C3orf85: variants seen among roughly 807,000 people sequenced by gnomAD.
C3orf85 encodes uncharacterized protein C3orf85.
Under a neutral mutation model 1.7 loss-of-function variants are expected in C3orf85, and 1 was observed. That is an observed-to-expected ratio of 0.60 (90% CI 0.21 to 2.86). C3orf85 has a LOEUF of 2.86. C3orf85 is among the 30% of genes most tolerant of loss of function. The pLI is 0.22. For missense variants in C3orf85, 29 were observed against 21.3 expected (o/e 1.36, Z -0.72); for synonymous variants, 17 against 8.0 (o/e 2.13, Z -1.90).
intron 2 of C3orf85, among the ~76,000 whole-genome samples, chr3:109,143,911 T>C (rs1559969533): frequency 6.6e-6 from 1 of 152,220 alleles, no homozygotes; most frequent in East Asian, 1.9e-4. Flanking sequence ...GCCTTGTTTC[T>C]ACTTTACAGA....
intron 2 of C3orf85, among the ~76,000 whole-genome samples, chr3:109,138,440 G>C (rs1038948380): frequency 1.3e-5 from 2 of 152,168 alleles, no homozygotes; most frequent in African/African-American, 4.8e-5. Flanking sequence ...GAAGAAAGTA[G>C]TAGCTTGAAT....
intron 2 of C3orf85, among the ~76,000 whole-genome samples, chr3:109,137,250 G>T (rs1706688015): frequency 6.6e-6 from 1 of 151,990 alleles, no homozygotes; most frequent in African/African-American, 2.4e-5. Context: ...ATTATATGAA[G>T]ACCTCAAAGT....
At position 109,148,353 on chromosome 3, in the gene C3orf85, T is replaced by G. The variant is rs531651532; in HGVS notation, c.150T>G (p.Ser50Arg). Reference protein sequence around the residue: ...NLQDYWDPDHSSDVWVNTLAK... With the variant: ...NLQDYWDPDHRSDVWVNTLAK... ...AGGATTACTGGGACCCAGATCACAGTTCAGATGTGTGGGTAAACACACTGG... is the reference window on the plus strand; with the variant it reads ...AGGATTACTGGGACCCAGATCACAGGTCAGATGTGTGGGTAAACACACTGG... The change falls in exon 3 of 4, where the codon AGT becomes AGG. Residue 50 changes from serine to arginine, a missense_variant. By Grantham distance (110) the Ser-to-Arg change is moderately radical (BLOSUM62 -1). Transcript: ENST00000622536. 1.4e-6 allele frequency: 1 copy of G among 702,718 alleles called. No individual in the cohort carries two copies. The highest frequency in any genetic ancestry group is 2.7e-5 in the East Asian group (1 of 37,292). 43.5% of individuals were successfully genotyped at this position (702,718 alleles called of 1,614,324 possible).
chr3:109,137,772 A>G (rs1335539081), intron 2 of C3orf85, among the ~76,000 whole-genome samples: 1 of 151,600 alleles, frequency 6.6e-6, no homozygotes, highest in African/African-American at 2.4e-5. Context: ...TGTGATTGAA[A>G]CATTTTTAGC....
chr3:109,149,707 C>T, intron 3 of C3orf85, 98 bp from the exon 4 acceptor site: 1 of 394,966 alleles, frequency 2.5e-6, no homozygotes, highest in Non-Finnish European at 4.5e-6. Flanking sequence ...TTATATTTTT[C>T]TCATCTTTTA....
intron 2 of C3orf85, among the ~76,000 whole-genome samples, chr3:109,145,546 A>G (rs1218851355): frequency 6.6e-6 from 1 of 152,194 alleles, no homozygotes; most frequent in East Asian, 1.9e-4. Context: ...GGAGATGGAT[A>G]GCGGTGATGG....
At chr3:109,139,908 G>A (rs1309865650) in intron 2 of C3orf85, among the ~76,000 whole-genome samples, 1 of 152,072 alleles carries the variant, frequency 6.6e-6, no homozygotes, top group Non-Finnish European at 1.5e-5. Flanking sequence ...TTTTTGATTT[G>A]CTTTGTTTTT....
chr3:109,138,551 A>AT (rs201988537), intron 2 of C3orf85, among the ~76,000 whole-genome samples: 4 of 151,350 alleles, frequency 2.6e-5, no homozygotes, highest in African/African-American at 4.9e-5. Flanking sequence ...GAAAACCACT[A>AT]TTTTTTTTTA....
At chr3:109,138,220 A>G (rs1515375) in intron 2 of C3orf85, among the ~76,000 whole-genome samples, 30,874 of 152,220 alleles carry the variant, frequency 0.2, 3,494 homozygotes, top group Middle Eastern at 0.33. Flanking sequence ...AAAAAAAATA[A>G]TAAAGTTATC....
intron 2 of C3orf85, among the ~76,000 whole-genome samples, chr3:109,147,373 T>A (rs906619693): frequency 1.3e-5 from 2 of 152,200 alleles, no homozygotes; most frequent in Non-Finnish European, 2.9e-5. Context: ...AACAGAGGAC[T>A]GCTAATAATG....
chr3:109,137,330 C>A (rs1706688939), intron 2 of C3orf85, among the ~76,000 whole-genome samples: 1 of 151,898 alleles, frequency 6.6e-6, no homozygotes, highest in African/African-American at 2.4e-5. Flanking sequence ...AAAGGCAGAT[C>A]AAGGAAGGCA....
At chr3:109,145,586 C>T (rs1706789552) in intron 2 of C3orf85, among the ~76,000 whole-genome samples, 1 of 152,124 alleles carries the variant, frequency 6.6e-6, no homozygotes, top group Non-Finnish European at 1.5e-5. Context: ...TATTTAATAC[C>T]ACTGAATTGT....
chr3:109,151,374 T>C lies in C3orf85; in HGVS notation c.*1480T>C, dbSNP rs1485932630. ...AGATGCTCCTCAACATACGATGGCGTTACATCCCAATAAACCCGTCACACG... is the reference window on the plus strand; with the variant it reads ...AGATGCTCCTCAACATACGATGGCGCTACATCCCAATAAACCCGTCACACG... On this transcript the variant is annotated 3_prime_UTR_variant, in exon 4 of 4. Coordinates refer to ENST00000622536, the MANE Select transcript of C3orf85 (RefSeq NM_001351622.2). Among the ~76,000 whole-genome samples the C allele has an allele frequency of 6.6e-6, 1 of 152,110 alleles. No homozygotes were observed. The highest frequency in any genetic ancestry group is 1.5e-5 in the Non-Finnish European group (1 of 68,030).
intron 2 of C3orf85, among the ~76,000 whole-genome samples, chr3:109,146,115 T>C (rs954626689): frequency 6.6e-6 from 1 of 152,230 alleles, no homozygotes; most frequent in Admixed American, 6.5e-5. Flanking sequence ...AATTCTTTAA[T>C]GGTAAGGGTT....
chr3:109,149,776 A>G, intron 3 of C3orf85, 29 bp from the exon 4 acceptor site: 1 of 398,334 alleles, frequency 2.5e-6, no homozygotes, highest in Non-Finnish European at 4.4e-6. Context: ...ACACTCAGAG[A>G]TCATGACTTG....
intron 2 of C3orf85, among the ~76,000 whole-genome samples, chr3:109,140,074 C>T (rs1706728659): frequency 6.6e-6 from 1 of 152,126 alleles, no homozygotes; most frequent in African/African-American, 2.4e-5. Context: ...TTCTCTGACA[C>T]AGTTTTGGTT....
chr3:109,147,511 T>A (rs1373065679), intron 2 of C3orf85, among the ~76,000 whole-genome samples: 1 of 152,236 alleles, frequency 6.6e-6, no homozygotes, highest in Non-Finnish European at 1.5e-5. Flanking sequence ...TTTGTATTGG[T>A]TCGTTATAAT....
At chr3:109,137,969 A>G (rs958602171) in intron 2 of C3orf85, among the ~76,000 whole-genome samples, 4 of 152,122 alleles carry the variant, frequency 2.6e-5, no homozygotes, top group African/African-American at 9.7e-5. Flanking sequence ...TGATCCGTGC[A>G]GTTGACTTTA....
At chr3:109,137,456 A>T (rs1433765823) in intron 2 of C3orf85, among the ~76,000 whole-genome samples, 1 of 151,786 alleles carries the variant, frequency 6.6e-6, no homozygotes, top group African/African-American at 2.4e-5. Flanking sequence ...ACTTACAAAG[A>T]TATAAATTAT....
Sources: allele counts gnomAD v4.1 joint callset (sites outside exome capture counted in the v4.1 genomes callset), GRCh38; gene constraint gnomAD v4.1.1; transcripts MANE v1.5; gene names NCBI Gene and HGNC (gene_info 2026-07-23, HGNC 2026-07-21).